The following ADAMTSL1 variants were observed in gnomAD, a reference collection of about 807,000 sequenced individuals.
ADAMTSL1 encodes ADAMTS-like protein 1.
ADAMTSL1 carries 126 observed loss-of-function variants against 201.8 expected under a neutral mutation model. The ratio of observed to expected loss-of-function variants is 0.62; its 90% confidence interval spans 0.54 to 0.72. ADAMTSL1 has a LOEUF of 0.72. Ranked by LOEUF, ADAMTSL1 falls within the 30% of genes least tolerant of loss-of-function variation. The pLI, the probability that ADAMTSL1 is intolerant of heterozygous loss-of-function variation, is 0.00. For missense variants in ADAMTSL1, 2,679 were observed against 2,277.8 expected (o/e 1.18, Z -3.59); for synonymous variants, 1,121 against 903.4 (o/e 1.24, Z -4.32).
chr9:17,931,520 ACT>A (rs775651649), intron 1 of ADAMTSL1, among the ~76,000 whole-genome samples: 39 of 152,154 alleles, frequency 2.6e-4, no homozygotes, highest in Admixed American at 1.3e-4. Context: ...GTACATTTAA[ACT>A]CTAAAATTTC....
Position 18,242,753 on chromosome 9 carries a change from A to G in ADAMTSL1, c.207+78772A>G, listed in dbSNP as rs377386893. Among the ~76,000 whole-genome samples, 8 of 152,260 alleles carry G rather than the reference A, an allele frequency of 5.3e-5. No homozygotes were observed. In the East Asian group the frequency reaches 1.3e-3, roughly 26 times the overall value. Reference sequence around the variant, plus strand: ...AAAAATTGATAAAACAATCCCATTTATGATAGTTTTTTAAAAAATTAGGAA... The same window carrying G: ...AAAAATTGATAAAACAATCCCATTTGTGATAGTTTTTTAAAAAATTAGGAA... On this transcript the variant is annotated intron_variant, in intron 2 of 29. Coordinates refer to the ADAMTSL1 transcript ENST00000680146.
chr9:18,830,678 G>T (rs1824919918), intron 23 of ADAMTSL1, among the ~76,000 whole-genome samples: 1 of 152,052 alleles, frequency 6.6e-6, no homozygotes, highest in Non-Finnish European at 1.5e-5. Flanking sequence ...CATGACCTCT[G>T]GAGACGGACA....
upstream of ADAMTSL1, among the ~76,000 whole-genome samples, chr9:18,470,413 G>T (rs940263151): frequency 6.6e-6 from 1 of 152,088 alleles, no homozygotes; most frequent in South Asian, 2.1e-4. Context: ...TATCTTAGTC[G>T]CCCTTACTTT....
intron 3 of ADAMTSL1, among the ~76,000 whole-genome samples, chr9:18,537,554 G>A (rs904353543): frequency 3.3e-5 from 5 of 152,236 alleles, no homozygotes; most frequent in Middle Eastern, 3.4e-3. Context: ...AAGTACTTAC[G>A]TTATATTTTA....
chr9:18,051,796 T>A (rs1314449054), intron 1 of ADAMTSL1, among the ~76,000 whole-genome samples: 1 of 152,206 alleles, frequency 6.6e-6, no homozygotes, highest in African/African-American at 2.4e-5. Context: ...TTTCTCTCTC[T>A]GTTGGTTTGT....
chr9:17,979,025 T>C (rs1158369829), intron 1 of ADAMTSL1, among the ~76,000 whole-genome samples: 2 of 152,076 alleles, frequency 1.3e-5, no homozygotes, highest in African/African-American at 4.8e-5. Flanking sequence ...GCAAATTTTC[T>C]GCTCAGACAT....
chr9:18,209,411 A>G (rs1829782737), intron 2 of ADAMTSL1, among the ~76,000 whole-genome samples: 1 of 152,168 alleles, frequency 6.6e-6, no homozygotes, highest in Admixed American at 6.6e-5. Context: ...ATCAGTACCT[A>G]TCACCCAGAG....
chr9:18,262,873 G>A (rs1003651612), intron 2 of ADAMTSL1, among the ~76,000 whole-genome samples: 25 of 152,188 alleles, frequency 1.6e-4, no homozygotes, highest in African/African-American at 6.0e-4. Context: ...GATCCACACT[G>A]AAAGAACACA....
At chr9:18,448,755 T>C (rs1820294898) in intron 2 of ADAMTSL1, among the ~76,000 whole-genome samples, 1 of 152,104 alleles carries the variant, frequency 6.6e-6, no homozygotes, top group Non-Finnish European at 1.5e-5. Context: ...TTTTCCTCTT[T>C]CTGCAAAATA....
chr9:18,735,730 C>T (rs1330038010), intron 15 of ADAMTSL1, among the ~76,000 whole-genome samples: 2 of 143,890 alleles, frequency 1.4e-5, no homozygotes, highest in African/African-American at 2.6e-5. Flanking sequence ...TTTGAGAAGT[C>T]AGACGGCATT....
At position 18,777,184 on chromosome 9, in the gene ADAMTSL1, G is replaced by T. The variant is rs757411906; in HGVS notation, c.2955G>T (p.Lys985Asn). ...AGGAAGAGGTGCTTGCGGGGAGGAA[G>T]GGCGGCCCGAAGGAGGCCCTGCAGA... ...RSEEEVLAGR[K>N]GGPKEALQTH... Residue 985 changes from lysine (K) to asparagine (N), a missense_variant, in exon 19 of 29, where the codon AAG becomes AAT. Physicochemically the swap from Lys to Asn is moderately conservative, Grantham distance 94 (BLOSUM62 0). Transcript: ENST00000380548. 4.3e-6 allele frequency: 7 copies of T among 1,612,888 alleles called. No homozygotes were observed. In the Admixed American group the frequency reaches 1.2e-4, roughly 27 times the overall value.
At chr9:18,618,156 G>A (rs1054270342) in intron 4 of ADAMTSL1, among the ~76,000 whole-genome samples, 2 of 152,166 alleles carry the variant, frequency 1.3e-5, no homozygotes, top group Admixed American at 6.5e-5. Context: ...TGATGCATCA[G>A]GGCAGAGGTT....
chr9:18,239,032 T>C (rs569212304), intron 2 of ADAMTSL1, among the ~76,000 whole-genome samples: 128 of 152,170 alleles, frequency 8.4e-4, no homozygotes, highest in Non-Finnish European at 1.6e-3. Flanking sequence ...TATAATAGCA[T>C]TATGTCTATA....
At chr9:18,271,832 C>G (rs1402271445) in intron 2 of ADAMTSL1, among the ~76,000 whole-genome samples, 1 of 152,182 alleles carries the variant, frequency 6.6e-6, no homozygotes, top group African/African-American at 2.4e-5. Flanking sequence ...TCCTCTCCAG[C>G]ACCTGTTGTT....
chr9:18,108,169 G>C (rs938333236), intron 1 of ADAMTSL1, among the ~76,000 whole-genome samples: 1 of 148,114 alleles, frequency 6.8e-6, no homozygotes, highest in Admixed American at 6.8e-5. Flanking sequence ...AAGTATTCAC[G>C]TTAACTCTTA....
rs116929219 is a variant in ADAMTSL1, at chr9:18,046,321, C to T, written c.88-117541C>T. Among the ~76,000 whole-genome samples the T allele has an allele frequency of 2.2e-3, 334 of 152,278 alleles. 13 individuals are homozygous for T. The South Asian group carries it at 0.056, about 25-fold the overall frequency. On this transcript the variant is annotated intron_variant, in intron 1 of 29. Coordinates refer to the ADAMTSL1 transcript ENST00000680146. ...GGCCTTTTCTAGCTTGTTGGTCTGC[C>T]ACCTTTAATGCATGGCTTTCATCTA...
chr9:18,374,436 C>T lies in ADAMTSL1; in HGVS notation c.208-130393C>T, dbSNP rs145783291. ...GCAGCCTTAATTTCTCAGGCTTGAG[C>T]GATCCCCCAACCTCAGCCTCCAAGT... On this transcript the variant is annotated intron_variant, in intron 2 of 29. Transcript: ENST00000680146. Among the ~76,000 whole-genome samples the T allele has an allele frequency of 2.1e-3, 323 of 151,852 alleles. 1 individual carries two copies. The highest frequency in any genetic ancestry group is 7.5e-3 in the African/African-American group (309 of 41,394).
intron 23 of ADAMTSL1, among the ~76,000 whole-genome samples, chr9:18,877,798 T>C (rs1828264031): frequency 6.6e-6 from 1 of 152,114 alleles, no homozygotes; most frequent in African/African-American, 2.4e-5. Context: ...TGGATAAGTA[T>C]TGGGGTTTCT....
At chr9:18,046,871 T>C (rs1294859996) in intron 1 of ADAMTSL1, among the ~76,000 whole-genome samples, 1 of 152,152 alleles carries the variant, frequency 6.6e-6, no homozygotes, top group African/African-American at 2.4e-5. Flanking sequence ...AGGTAAGTTC[T>C]CTGATTCCTG....
Sources: gnomAD v4.1 joint callset for allele counts (sites outside exome capture counted in the v4.1 genomes callset) on GRCh38, gnomAD v4.1.1 for gene constraint, MANE v1.5 for transcripts, NCBI Gene and HGNC (gene_info 2026-07-23, HGNC 2026-07-21) for gene names.